The following INTS2 variants were observed in gnomAD, a reference collection of about 807,000 sequenced individuals.
INTS2 encodes the protein integrator complex subunit 2, also known as KIAA1287.
Under a neutral mutation model 139.6 loss-of-function variants are expected in INTS2, and 57 were observed. That is an observed-to-expected ratio of 0.41 (90% confidence interval 0.33 to 0.51). The LOEUF (loss-of-function observed/expected upper bound fraction) is 0.51. INTS2 is among the 20% of genes least tolerant of loss of function. INTS2 has a pLI of 0.28. For missense variants in INTS2, 1,196 were observed against 1,436.7 expected (o/e 0.83, Z 2.71); for synonymous variants, 473 against 493.4 (o/e 0.96, Z 0.55).
At position 61,927,747 on chromosome 17, in the gene INTS2, G is replaced by T; in HGVS notation, c.-112C>A. ...GAAATCGAGAGCGCGGTCCGATGTT[G>T]GGCCTAGGCGATATCCGGAACCCCA... On this transcript the variant is annotated 5_prime_UTR_variant, in exon 1 of 25. Coordinates refer to ENST00000251334, the MANE Select transcript of INTS2 (RefSeq NM_001351695.2). The T allele has an allele frequency of 6.6e-7, 1 of 1,504,486 alleles. No homozygotes were observed. The allele number at this position is 1,504,486 out of a possible 1,614,324, so 93.2% of individuals were successfully genotyped here.
chr17:61,924,883 T>C, intron 3 of INTS2, 78 bp downstream of exon 3: 1 of 1,434,560 alleles, frequency 7.0e-7, no homozygotes, highest in Non-Finnish European at 9.6e-7. Context: ...CCTGACTTCT[T>C]GTCTCTTTTT....
intron 4 of INTS2, 70 bp from the exon 5 acceptor site, chr17:61,919,583 T>A: frequency 1.2e-6 from 1 of 809,558 alleles, no homozygotes; most frequent in Non-Finnish European, 2.0e-6. Context: ...CTAATTTTTT[T>A]TATTTTCTGT....
At chr17:61,908,877 T>A (rs925897339) in intron 7 of INTS2, among the ~76,000 whole-genome samples, 2 of 147,438 alleles carry the variant, frequency 1.4e-5, no homozygotes. Flanking sequence ...TATGATTCAG[T>A]AGCTTAAAAA....
rs1004654270 is a variant in INTS2 at position 61,890,912 on chromosome 17, A to G, written c.1875+601T>C. ...AGCAGGAGAATCGCTTGAACCCAGG[A>G]AGCGGAGGTTGTAGTGAGCCGAGAC... On this transcript the variant is annotated intron_variant, in intron 14 of 24. Coordinates refer to ENST00000251334, the MANE Select transcript of INTS2 (RefSeq NM_001351695.2). Among the ~76,000 whole-genome samples the G allele has an allele frequency of 6.9e-5, 10 of 144,228 alleles. No individual in the cohort carries two copies. The East Asian group carries it at 2.2e-3, about 31-fold the overall frequency. 94.6% of individuals were successfully genotyped at this position (144,228 alleles called of 152,430 possible). A position where few individuals can be genotyped will look rare whatever the true frequency, so the allele number is the denominator to read the frequency against.
rs963805445 is a variant in INTS2 at position 61,911,541 on chromosome 17, A to T, written c.933T>A (p.Thr311=). The change falls in exon 7 of 25, where the codon ACT becomes ACA. Residue 311 remains threonine (T), a synonymous_variant. Transcript: ENST00000251334. ...TCACCTGCTGTCCATTTCGGATAAA[A>T]GTTCCAAACCAAGTCCGGACTTTCG... ...TNAKVRTWFG[T]FIRNGQQRKR... 3 of 1,613,856 alleles carry T rather than the reference A, an allele frequency of 1.9e-6. No individual in the cohort carries two copies. The African/African-American group carries it at 4.0e-5, about 22-fold the overall frequency.
intron 11 of INTS2, among the ~76,000 whole-genome samples, 152 bp from the exon 12 acceptor site, chr17:61,895,535 TTAAAG>T (rs1024485959): frequency 6.6e-5 from 10 of 152,170 alleles, no homozygotes; most frequent in African/African-American, 2.4e-4. Flanking sequence ...AAACCCAACA[TTAAAG>T]TGTTAATACT....
chr17:61,923,097 A>G (rs1357556628), intron 3 of INTS2, among the ~76,000 whole-genome samples: 1 of 152,000 alleles, frequency 6.6e-6, no homozygotes, highest in Non-Finnish European at 1.5e-5. Flanking sequence ...ACAAAAATAA[A>G]TAAAAGTATC....
At chr17:61,921,624 T>C (rs1433122699) in intron 4 of INTS2, 101 bp downstream of exon 4, 2 of 521,144 alleles carry the variant, frequency 3.8e-6, no homozygotes, top group African/African-American at 3.8e-5. Flanking sequence ...ATGTTTGTTA[T>C]ATGATCCCTA....
In INTS2 at chr17:61,923,215, T is replaced by C. The variant is rs573932055; in HGVS notation, c.433-1388A>G. Among the ~76,000 whole-genome samples the C allele has an allele frequency of 2.3e-3, 343 of 151,968 alleles. 1 individual carries two copies. The highest frequency in any genetic ancestry group is 7.9e-3 in the African/African-American group (327 of 41,488). ...AAACTCGGCCGGGCGCAGTGGCTCG[T>C]GCCTGTAATCCCAGCACTTTGGGAG... On this transcript the variant is annotated intron_variant, in intron 3 of 24. Transcript: ENST00000251334.
Position 61,873,479 on chromosome 17 carries a change from T to G in INTS2, c.2583-1019A>C. Among the ~76,000 whole-genome samples, 1 of 152,200 alleles carries G rather than the reference T, an allele frequency of 6.6e-6. No homozygotes were observed. The highest frequency in any genetic ancestry group is 1.9e-4 in the East Asian group (1 of 5,200). On this transcript the variant is annotated intron_variant, in intron 19 of 24. Transcript: ENST00000251334. The surrounding 1 kb of genome is among the most constrained non-coding windows in gnomAD (Gnocchi z 4.0). Reference sequence around the variant, plus strand: ...AATTTGATAACAGAATTTAACAACTTCCTTAAAAACTGAATCACCTAAGGT... The same window carrying G: ...AATTTGATAACAGAATTTAACAACTGCCTTAAAAACTGAATCACCTAAGGT...
At chr17:61,904,810 G>A (rs540615203) in intron 8 of INTS2, among the ~76,000 whole-genome samples, 33 of 152,250 alleles carry the variant, frequency 2.2e-4, no homozygotes, top group African/African-American at 7.7e-4. Flanking sequence ...GCCCTGTAGT[G>A]TGAGACCATA....
intron 15 of INTS2, among the ~76,000 whole-genome samples, chr17:61,886,773 T>A (rs2079233098): frequency 6.6e-6 from 1 of 152,236 alleles, no homozygotes; most frequent in Admixed American, 6.5e-5. Flanking sequence ...ACAAAGGATG[T>A]ACAATGTGTT....
rs746789112 is a variant in INTS2 at position 61,893,708 on chromosome 17, T to C, written c.1698+57A>G. 3.9e-6 allele frequency: 5 copies of C among 1,291,928 alleles called. No homozygotes were observed. The African/African-American group carries it at 4.7e-5, about 12-fold the overall frequency. The allele number at this position is 1,291,928 out of a possible 1,614,324, so 80.0% of individuals were successfully genotyped here. A position where few individuals can be genotyped will look rare whatever the true frequency, so the allele number is the denominator to read the frequency against. ...AGACTCCATCTCAAAAGAAAAAAAA[T>C]ATATATATAAAAATGTAGGGGCATG... On this transcript the variant is annotated intron_variant, in intron 13 of 24. Transcript: ENST00000251334. This position sits in a 1 kb window ranked among gnomAD's most constrained non-coding sequence, Gnocchi z 5.4.
chr17:61,905,917 G>A (rs1226645243), intron 8 of INTS2, among the ~76,000 whole-genome samples: 1 of 151,948 alleles, frequency 6.6e-6, no homozygotes, highest in Non-Finnish European at 1.5e-5. Flanking sequence ...GGCTGGTCTC[G>A]AACTCCCAAC....
intron 9 of INTS2, among the ~76,000 whole-genome samples, chr17:61,898,559 G>C (rs1011045086): frequency 6.6e-6 from 1 of 152,104 alleles, no homozygotes; most frequent in Non-Finnish European, 1.5e-5. Flanking sequence ...GCCTCCCAAA[G>C]TGCTGGAATT....
At chr17:61,881,208 G>A in intron 16 of INTS2, 37 bp from the exon 17 acceptor site, 1 of 1,546,332 alleles carries the variant, frequency 6.5e-7, no homozygotes, top group Non-Finnish European at 8.8e-7. Context: ...GATTCTTCAT[G>A]CTCAAACACC....
At position 61,897,395 on chromosome 17, in the gene INTS2, CTATT is replaced by C. The variant is rs952441614; in HGVS notation, c.1494+70_1494+73del. 8.8e-6 allele frequency: 7 copies of C among 794,610 alleles called. No homozygotes were observed. Among genetic ancestry groups the C allele is most frequent in the Non-Finnish European group, 1.4e-5 (7 of 512,066 alleles). 49.2% of individuals were successfully genotyped at this position (794,610 alleles called of 1,614,324 possible). A position where few individuals can be genotyped will look rare whatever the true frequency, so the allele number is the denominator to read the frequency against. On this transcript the variant is annotated intron_variant, in intron 11 of 24. Transcript: ENST00000251334. The surrounding 1 kb of genome is among the most constrained non-coding windows in gnomAD (Gnocchi z 4.4). ...TTAAAATTACTTAAATGAAAACAATCTATTTACACTACAACAAAATGTCCAGCTT... is the reference window on the plus strand; with the variant it reads ...TTAAAATTACTTAAATGAAAACAATCTACACTACAACAAAATGTCCAGCTT...
chr17:61,865,378 A>C lies in INTS2; in HGVS notation c.*2179T>G, dbSNP rs931130915. ...ACAAAAACTACAGGTTCGTTTGATA[A>C]AGAATATGAATGTTTATAAACCAAT... On this transcript the variant is annotated 3_prime_UTR_variant, in exon 25 of 25. Coordinates refer to ENST00000251334, the MANE Select transcript of INTS2 (RefSeq NM_001351695.2). The surrounding 1 kb of genome is among the most constrained non-coding windows in gnomAD (Gnocchi z 4.8). 2 of 152,658 alleles carry C rather than the reference A, an allele frequency of 1.3e-5. No individual in the cohort carries two copies. The highest frequency in any genetic ancestry group is 2.9e-5 in the Non-Finnish European group (2 of 68,048). The allele number at this position is 152,658 out of a possible 1,614,324, so 9.5% of individuals were successfully genotyped here.
intron 3 of INTS2, among the ~76,000 whole-genome samples, chr17:61,924,448 G>T (rs1267041859): frequency 1.3e-5 from 2 of 152,140 alleles, no homozygotes; most frequent in African/African-American, 2.4e-5. Context: ...GAGAGAAAAT[G>T]ATAATTAAGA....
Sources: gnomAD v4.1 joint callset for allele counts (sites outside exome capture counted in the v4.1 genomes callset) on GRCh38, gnomAD v4.1.1 for gene constraint, Gnocchi (gnomAD v3.1) non-coding constraint, MANE v1.5 for transcripts, NCBI Gene and HGNC (gene_info 2026-07-23, HGNC 2026-07-21) for gene names.